Variants in ZNF277 observed in about 807,000 individuals in gnomAD.
ZNF277 encodes the protein zinc finger protein 277.
A neutral mutation model predicts 60.7 loss-of-function variants in ZNF277; 55 were observed. The ratio of observed to expected loss-of-function variants is 0.91; its 90% CI spans 0.73 to 1.13. The LOEUF is 1.13. Ranked by LOEUF, ZNF277 falls within the 50% of genes most tolerant of loss-of-function variation. The pLI, the probability that ZNF277 is intolerant of heterozygous loss-of-function variation, is 0.00. For missense variants in ZNF277, 510 were observed against 523.0 expected (o/e 0.98, Z 0.24); for synonymous variants, 178 against 179.3 (o/e 0.99, Z 0.06).
intron 1 of ZNF277, among the ~76,000 whole-genome samples, chr7:112,286,566 T>C (rs1792067761): frequency 6.6e-6 from 1 of 152,112 alleles, no homozygotes; most frequent in Non-Finnish European, 1.5e-5. Context: ...ACCCCGGGAA[T>C]TGCTGCCATT....
chr7:112,230,962 C>G (rs1167704387), intron 1 of ZNF277, among the ~76,000 whole-genome samples: 1 of 152,116 alleles, frequency 6.6e-6, no homozygotes, highest in South Asian at 2.1e-4. Flanking sequence ...CACCTGTAAT[C>G]CCAGCACTTT....
At chr7:112,315,714 C>G (rs1792829742) in intron 4 of ZNF277, among the ~76,000 whole-genome samples, 1 of 152,214 alleles carries the variant, frequency 6.6e-6, no homozygotes, top group South Asian at 2.1e-4. Flanking sequence ...ATTAAAATGT[C>G]TGTGACCTAG....
intron 1 of ZNF277, among the ~76,000 whole-genome samples, chr7:112,254,739 C>A (rs756660935): frequency 2.6e-5 from 4 of 151,980 alleles, no homozygotes; most frequent in African/African-American, 9.7e-5. Flanking sequence ...GAGGCCAAAG[C>A]GGGAAGATTG....
intron 1 of ZNF277, among the ~76,000 whole-genome samples, chr7:112,217,340 A>G (rs1285172142): frequency 6.6e-6 from 1 of 152,252 alleles, no homozygotes; most frequent in African/African-American, 2.4e-5. Flanking sequence ...GGGCATATAC[A>G]ACAAGTATCA....
chr7:112,289,632 C>G (rs780983250), intron 2 of ZNF277, among the ~76,000 whole-genome samples: 6 of 152,184 alleles, frequency 3.9e-5, no homozygotes, highest in Admixed American at 3.9e-4. Context: ...GATTTTGTTT[C>G]AGACACTTCT....
intron 1 of ZNF277, among the ~76,000 whole-genome samples, chr7:112,228,478 T>TTC (rs1206071004): frequency 6.8e-6 from 1 of 146,434 alleles, no homozygotes; most frequent in African/African-American, 2.5e-5. Context: ...TTTTTTTTTT[T>TTC]TTTCAAGCTG....
chr7:112,301,285 A>T (rs1028693333), intron 4 of ZNF277, among the ~76,000 whole-genome samples: 1 of 152,048 alleles, frequency 6.6e-6, no homozygotes, highest in Admixed American at 6.6e-5. Flanking sequence ...TTACAAGAGC[A>T]AGCCATTGCG....
At position 112,312,191 on chromosome 7, in the gene ZNF277, T is replaced by A. The variant is rs566518356; in HGVS notation, c.466-5991T>A. ...ACAACGTTTTCCTATCAGTCATTCA[T>A]ATACTTTGGAAGACTATTAGTTTGG... is the stretch of plus-strand genomic sequence containing the variant. On this transcript the variant is annotated intron_variant, in intron 4 of 11. Transcript: ENST00000361822. Among the ~76,000 whole-genome samples, 6 of 152,242 alleles carry A rather than the reference T, an allele frequency of 3.9e-5. No homozygotes were observed. The East Asian group carries it at 1.2e-3, about 29-fold the overall frequency.
At chr7:112,229,604 G>C (rs943608221) in intron 1 of ZNF277, among the ~76,000 whole-genome samples, 2 of 152,036 alleles carry the variant, frequency 1.3e-5, no homozygotes, top group African/African-American at 4.8e-5. Context: ...GTTTTCCCTA[G>C]AAAAAAATGA....
At chr7:112,342,461 C>A in intron 11 of ZNF277, 100 bp from the exon 12 acceptor site, 2 of 1,055,566 alleles carry the variant, frequency 1.9e-6, no homozygotes, top group Non-Finnish European at 2.6e-6. Flanking sequence ...AAATTGTTGG[C>A]AAGGATACCT....
intron 4 of ZNF277, among the ~76,000 whole-genome samples, chr7:112,315,450 A>G (rs1217031499): frequency 6.6e-6 from 1 of 152,094 alleles, no homozygotes; most frequent in East Asian, 1.9e-4. Context: ...ATAAAGGGAG[A>G]TAAACATAGA....
intron 7 of ZNF277, among the ~76,000 whole-genome samples, chr7:112,334,545 A>T (rs1345392585): frequency 6.6e-6 from 1 of 151,806 alleles, no homozygotes; most frequent in African/African-American, 2.4e-5. Flanking sequence ...ATGTACATTC[A>T]TTTTCCTCTC....
Position 112,206,738 on chromosome 7 carries a change from G to A in ZNF277, c.22G>A (p.Gly8Arg). ...GGTAATGGCTGCTTCCAAGACCCAG[G>A]GGGCTGTCGCCCGAATGCAGGAAGA... MAASKTQGAVARMQEDRD... is the reference protein window; with the variant it reads MAASKTQRAVARMQEDRD... Residue 8 changes from glycine (G) to arginine (R), a missense_variant, in exon 1 of 12, where the codon GGG becomes AGG. Physicochemically the swap from Gly to Arg is moderately radical, Grantham distance 125 (BLOSUM62 -2). Coordinates refer to ENST00000361822, the MANE Select transcript of ZNF277 (RefSeq NM_021994.3). 6.2e-7 allele frequency: 1 copy of A among 1,613,314 alleles called. No homozygotes were observed.
rs1176976815 is a variant in ZNF277, at chr7:112,327,803, G to A, written c.644G>A (p.Cys215Tyr). 1.2e-6 allele frequency: 2 copies of A among 1,609,888 alleles called. No homozygotes were observed. Among genetic ancestry groups the A allele is most frequent in the African/African-American group, 1.3e-5 (1 of 74,848 alleles). The change falls in exon 6 of 12, where the codon TGT becomes TAT. Residue 215 changes from cysteine (C) to tyrosine (Y), a missense_variant. Coordinates refer to ENST00000361822, the MANE Select transcript of ZNF277 (RefSeq NM_021994.3). The part of the protein sequence containing the change: ...DNIVNCNEFL[C>Y]TLQKKLDNLQ... ...ATTGTAAACTGCAATGAATTTTTGT[G>A]TACATTACAGAAAAAGCTTGACAAG...
In ZNF277 at chr7:112,332,798, A is replaced by G. The variant is rs567149655; in HGVS notation, c.801+2582A>G. 4.6e-5 allele frequency among the ~76,000 whole-genome samples: 7 copies of G among 152,318 alleles called. No homozygotes were observed. In the South Asian group the frequency reaches 1.2e-3, roughly 27 times the overall value. ...TTAGCATTATGGAAATGATGTAAAC[A>G]CCTTTGAAAAGGAGTGAAGAAGCCT... On this transcript the variant is annotated intron_variant, in intron 7 of 11. Transcript: ENST00000361822.
Position 112,330,149 on chromosome 7 carries a change from A to G in ZNF277, c.734A>G (p.Lys245Arg). The G allele has an allele frequency of 2.5e-6, 4 of 1,613,454 alleles. No homozygotes were observed. Among genetic ancestry groups the G allele is most frequent in the Non-Finnish European group, 3.4e-6 (4 of 1,179,758 alleles). ...DKNTLKDHMR[K>R]KQHRKINPKN... ...AATACACTTAAAGATCACATGAGGA[A>G]AAAACAGCATCGTAAGATTAATCCT... Residue 245 changes from lysine to arginine, a missense_variant, in exon 7 of 12, where the codon AAA becomes AGA. Coordinates refer to ENST00000361822, the MANE Select transcript of ZNF277 (RefSeq NM_021994.3).
In ZNF277 at chr7:112,318,213, G is replaced by A. The variant is rs775317613; in HGVS notation, c.497G>A (p.Arg166Gln). 5.4e-5 allele frequency: 87 copies of A among 1,613,286 alleles called. No individual in the cohort carries two copies. Among genetic ancestry groups the A allele is most frequent in the Non-Finnish European group, 6.9e-5 (81 of 1,179,506 alleles). The change falls in exon 5 of 12, where the codon CGA (arginine) becomes CAA (glutamine). Residue 166 changes from arginine to glutamine, a missense_variant. By Grantham distance (43) the Arg-to-Gln change is conservative. Transcript: ENST00000361822. ...ATTCTGGAACAACAGCAGCAAGAAC[G>A]AAATGATACCAATTTTCATGGCGTT... is the stretch of plus-strand genomic sequence containing the variant. ...REILEQQQQE[R>Q]NDTNFHGVCM...
At chr7:112,262,396 A>C (rs1326110921) in intron 1 of ZNF277, among the ~76,000 whole-genome samples, 1 of 152,132 alleles carries the variant, frequency 6.6e-6, no homozygotes, top group African/African-American at 2.4e-5. Context: ...ACTGTATGGG[A>C]TATTGTCATT....
At chr7:112,324,369 A>G (rs557397369) in intron 5 of ZNF277, among the ~76,000 whole-genome samples, 53 of 152,346 alleles carry the variant, frequency 3.5e-4, no homozygotes, top group African/African-American at 1.2e-3. Flanking sequence ...AATTAAGTTT[A>G]TAAAGAAAGG....
Sources: gnomAD v4.1 joint callset for allele counts (sites outside exome capture counted in the v4.1 genomes callset) on GRCh38, gnomAD v4.1.1 for gene constraint, MANE v1.5 for transcripts, NCBI Gene and HGNC (gene_info 2026-07-23, HGNC 2026-07-21) for gene names.